Variants in CNTNAP2 observed in about 807,000 individuals in gnomAD.
The protein encoded by CNTNAP2 is contactin associated protein 2.
CNTNAP2 carries 98 observed loss-of-function variants against 155.2 expected under a neutral mutation model. The observed-to-expected ratio is 0.63, with a 90% confidence interval of 0.54 to 0.75. The LOEUF (loss-of-function observed/expected upper bound fraction) is 0.75, where lower values mean the gene tolerates loss of function less well. Among genes scored for constraint, CNTNAP2 ranks in the 30% least tolerant of loss-of-function variants. The probability of loss-of-function intolerance (pLI) is 0.00; values close to 1 mark genes in which losing one functional copy is unlikely to be tolerated. For synonymous variants in CNTNAP2, 651 were observed against 631.2 expected (o/e 1.03, Z -0.47); for missense variants, 1,727 against 1,688.1 (o/e 1.02, Z -0.40).
At chr7:148,287,790 TTTTTC>T (rs1189711333) in intron 21 of CNTNAP2, among the ~76,000 whole-genome samples, 31 of 19,428 alleles carry the variant, frequency 1.6e-3, no homozygotes, top group African/African-American at 5.5e-3. Context: ...TTTCTTTCTT[TTTTTC>T]TTTTTTTTTT....
At chr7:148,133,189 AC>A (rs1804868847) in intron 16 of CNTNAP2, among the ~76,000 whole-genome samples, 1 of 152,052 alleles carries the variant, frequency 6.6e-6, no homozygotes, top group South Asian at 2.1e-4. Flanking sequence ...ATGGTCGGTC[AC>A]GGTGGCTCAC....
chr7:148,258,468 T>C (rs1270189052), intron 20 of CNTNAP2, among the ~76,000 whole-genome samples: 1 of 152,188 alleles, frequency 6.6e-6, no homozygotes, highest in Non-Finnish European at 1.5e-5. Context: ...GGTCAAGGCC[T>C]GCTTGTTCGT....
At chr7:147,472,460 A>G (rs1263738564) in intron 10 of CNTNAP2, among the ~76,000 whole-genome samples, 1 of 151,618 alleles carries the variant, frequency 6.6e-6, no homozygotes, top group African/African-American at 2.4e-5. Context: ...TGATTCACCG[A>G]CCTCCACCTC....
At chr7:147,791,066 G>C (rs1797811249) in intron 13 of CNTNAP2, among the ~76,000 whole-genome samples, 1 of 152,094 alleles carries the variant, frequency 6.6e-6, no homozygotes, top group Non-Finnish European at 1.5e-5. Context: ...AATGTCATCT[G>C]TTATTTCTAG....
At chr7:147,420,110 C>T (rs1563197903) in intron 10 of CNTNAP2, among the ~76,000 whole-genome samples, 1 of 152,146 alleles carries the variant, frequency 6.6e-6, no homozygotes, top group Admixed American at 6.5e-5. Context: ...TAATGGAATA[C>T]ACTTTCTAAG....
rs117176982 is a variant in CNTNAP2 at position 146,469,135 on chromosome 7, C to T, written c.98-305136C>T. ...CCTCCTTCCAGGAAGATCTGCTGTC[C>T]CAGTTGCAGGAAGTGCTGGAGGTGA... On this transcript the variant is annotated intron_variant, in intron 1 of 23. Coordinates refer to ENST00000361727, the MANE Select transcript of CNTNAP2 (RefSeq NM_014141.6). Among the ~76,000 whole-genome samples the T allele has an allele frequency of 1.1e-3, 171 of 152,294 alleles. 3 individuals are homozygous for T. In the East Asian group the frequency reaches 0.031, roughly 28 times the overall value.
chr7:146,765,611 CCT>C (rs1802181045), intron 1 of CNTNAP2, among the ~76,000 whole-genome samples: 1 of 152,106 alleles, frequency 6.6e-6, no homozygotes, highest in Non-Finnish European at 1.5e-5. Flanking sequence ...CACCTGCCTT[CCT>C]CTCATGGTAT....
chr7:147,679,688 A>G (rs1345536047), intron 13 of CNTNAP2, among the ~76,000 whole-genome samples: 1 of 151,938 alleles, frequency 6.6e-6, no homozygotes, highest in African/African-American at 2.4e-5. Context: ...ACCCCATTCC[A>G]GGAGCTAAAG....
chr7:147,404,468 T>C (rs902015542), intron 10 of CNTNAP2, among the ~76,000 whole-genome samples: 4 of 152,220 alleles, frequency 2.6e-5, no homozygotes, highest in African/African-American at 9.6e-5. Flanking sequence ...ATCTTGTCCC[T>C]TCACCTTAAC....
chr7:147,494,599 T>G (rs1356258525), intron 11 of CNTNAP2, among the ~76,000 whole-genome samples: 1 of 152,146 alleles, frequency 6.6e-6, no homozygotes, highest in Non-Finnish European at 1.5e-5. Context: ...GAACTGGCAT[T>G]ATTCATTAAA....
At chr7:147,759,452 T>G (rs1797266027) in intron 13 of CNTNAP2, among the ~76,000 whole-genome samples, 1 of 152,218 alleles carries the variant, frequency 6.6e-6, no homozygotes, top group South Asian at 2.1e-4. Context: ...TGCATTGACT[T>G]TCTACCAAAA....
intron 5 of CNTNAP2, among the ~76,000 whole-genome samples, chr7:147,115,928 G>T (rs908063030): frequency 2.0e-5 from 3 of 152,146 alleles, no homozygotes; most frequent in Admixed American, 6.5e-5. Flanking sequence ...TGCATTGATT[G>T]CTTCTCATCT....
intron 3 of CNTNAP2, among the ~76,000 whole-genome samples, chr7:146,874,154 A>G (rs889826443): frequency 2.0e-5 from 3 of 152,056 alleles, no homozygotes; most frequent in Non-Finnish European, 2.9e-5. Context: ...TTAAAATCTG[A>G]TGCCAGGAAA....
At chr7:148,000,056 A>T (rs1801870733) in intron 15 of CNTNAP2, among the ~76,000 whole-genome samples, 1 of 152,208 alleles carries the variant, frequency 6.6e-6, no homozygotes, top group Non-Finnish European at 1.5e-5. Context: ...GTGGAGGCGC[A>T]ATTCAAGTGG....
chr7:146,672,586 C>T (rs193047059), intron 1 of CNTNAP2, among the ~76,000 whole-genome samples: 48 of 152,238 alleles, frequency 3.2e-4, no homozygotes, highest in African/African-American at 1.1e-3. Context: ...AATGGGAACA[C>T]GGGTTATCCT....
chr7:147,270,194 ATATC>A (rs1804712238), intron 8 of CNTNAP2, among the ~76,000 whole-genome samples: 1 of 152,216 alleles, frequency 6.6e-6, no homozygotes, highest in African/African-American at 2.4e-5. Context: ...TCTTCTTTCT[ATATC>A]TATTCTGTCT....
intron 1 of CNTNAP2, among the ~76,000 whole-genome samples, chr7:146,770,291 G>C (rs1409573220): frequency 6.8e-6 from 1 of 146,096 alleles, no homozygotes; most frequent in Non-Finnish European, 1.5e-5. Flanking sequence ...TAGCGAAATG[G>C]AATTATATAT....
intron 13 of CNTNAP2, among the ~76,000 whole-genome samples, chr7:147,762,154 C>G (rs944182711): frequency 3.0e-5 from 4 of 132,886 alleles, no homozygotes; most frequent in Non-Finnish European, 6.2e-5. Context: ...CTCTCTCTGT[C>G]TCACACACAC....
intron 13 of CNTNAP2, among the ~76,000 whole-genome samples, chr7:147,841,604 T>C (rs990734990): frequency 9.2e-5 from 14 of 152,214 alleles, no homozygotes; most frequent in African/African-American, 3.4e-4. Context: ...TTCTAGCTCA[T>C]GAGGAACACA....
Sources: allele counts gnomAD v4.1 joint callset (sites outside exome capture counted in the v4.1 genomes callset), GRCh38; gene constraint gnomAD v4.1.1; transcripts MANE v1.5; gene names NCBI Gene and HGNC (gene_info 2026-07-23, HGNC 2026-07-21).